The following FGF12 variants were observed in gnomAD, a reference collection of about 807,000 sequenced individuals.
The protein encoded by FGF12 is fibroblast growth factor 12B.
Under a neutral mutation model 23.6 loss-of-function variants are expected in FGF12, and 14 were observed. The observed-to-expected ratio is 0.59, with a 90% CI of 0.39 to 0.93. The LOEUF is 0.93. Among genes scored for constraint, FGF12 ranks in the 40% least tolerant of loss-of-function variants. The pLI is 0.00. For missense variants in FGF12, 175 were observed against 217.8 expected, an observed-to-expected ratio of 0.80 and a Z score of 1.24; for synonymous variants, 62 against 77.3, an observed-to-expected ratio of 0.80 and a Z score of 1.04.
chr3:192,432,098 G>A (rs1013420654), intron 2 of FGF12, among the ~76,000 whole-genome samples: 1 of 152,104 alleles, frequency 6.6e-6, no homozygotes, highest in Non-Finnish European at 1.5e-5. Flanking sequence ...CATTCTTCAA[G>A]GGACTTATTT....
In FGF12 at chr3:192,435,995, GA is replaced by G; in HGVS notation, c.14-75458del. Among the ~76,000 whole-genome samples the G allele has an allele frequency of 1.3e-5, 2 of 152,166 alleles. 1 individual carries two copies. The highest frequency in any genetic ancestry group is 2.9e-5 in the Non-Finnish European group (2 of 68,022). ...TTTGAGGAAACCAACACACCACAGC[GA>G]ATACGTCTACTTCTCTCAGTTAGCC... On this transcript the variant is annotated intron_variant, in intron 2 of 5. Coordinates refer to ENST00000445105, the MANE Select transcript of FGF12 (RefSeq NM_004113.6).
chr3:192,559,059 C>T (rs150659801), intron 2 of FGF12, among the ~76,000 whole-genome samples: 15 of 151,910 alleles, frequency 9.9e-5, no homozygotes, highest in South Asian at 2.1e-4. Context: ...ATTAATTTGA[C>T]GCTGAAAATA....
rs532735916 is a variant in FGF12 at position 192,457,516 on chromosome 3, A to G, written c.14-96978T>C. Among the ~76,000 whole-genome samples the G allele has an allele frequency of 2.6e-5, 4 of 152,326 alleles. No homozygotes were observed. In the East Asian group the frequency reaches 5.8e-4, roughly 22 times the overall value. ...AGGTGACTCTTGCTACATTTTAGCA[A>G]AGAGACTGGTGGCATTTTGCCCCCA... On this transcript the variant is annotated intron_variant, in intron 2 of 5. Transcript: ENST00000445105.
intron 2 of FGF12, among the ~76,000 whole-genome samples, chr3:192,605,001 A>G (rs909755286): frequency 6.6e-6 from 1 of 152,176 alleles, no homozygotes; most frequent in African/African-American, 2.4e-5. Context: ...GGCTAGCCAC[A>G]GTAAAACTGG....
At chr3:192,485,761 T>C (rs765416095) in intron 2 of FGF12, among the ~76,000 whole-genome samples, 48 of 152,116 alleles carry the variant, frequency 3.2e-4, no homozygotes, top group Non-Finnish European at 6.2e-4. Context: ...TGTGAACAGA[T>C]TCTCTGTATA....
intron 2 of FGF12, among the ~76,000 whole-genome samples, chr3:192,465,386 A>T (rs1218812252): frequency 6.6e-6 from 1 of 152,204 alleles, no homozygotes; most frequent in African/African-American, 2.4e-5. Context: ...GAATACATGA[A>T]TTTTTAAAAC....
At chr3:192,277,131 A>G (rs1713841005) in intron 4 of FGF12, among the ~76,000 whole-genome samples, 1 of 152,222 alleles carries the variant, frequency 6.6e-6, no homozygotes, top group Non-Finnish European at 1.5e-5. Flanking sequence ...AATAATTTTC[A>G]GTGAACCTTA....
chr3:192,711,541 T>C (rs1299598966), intron 2 of FGF12, among the ~76,000 whole-genome samples: 1 of 152,100 alleles, frequency 6.6e-6, no homozygotes, highest in Non-Finnish European at 1.5e-5. Context: ...AGAAATCAGA[T>C]TGTTGCTGTG....
chr3:192,172,434 T>C (rs1241187176), intron 4 of FGF12, among the ~76,000 whole-genome samples: 6 of 148,914 alleles, frequency 4.0e-5, no homozygotes, highest in African/African-American at 9.9e-5. Context: ...CCAAAGAAAA[T>C]TGGAGTAGAA....
intron 2 of FGF12, among the ~76,000 whole-genome samples, chr3:192,678,266 G>A (rs1717397850): frequency 6.6e-6 from 1 of 152,184 alleles, no homozygotes; most frequent in South Asian, 2.1e-4. Flanking sequence ...ACATGGTTGA[G>A]TAAATTACTC....
At chr3:192,361,830 G>A (rs1020732784) in intron 2 of FGF12, among the ~76,000 whole-genome samples, 5 of 152,136 alleles carry the variant, frequency 3.3e-5, no homozygotes, top group African/African-American at 1.2e-4. Context: ...ATGGGGCAAT[G>A]CCTCTATCAA....
chr3:192,543,193 T>C (rs76167242), intron 2 of FGF12, among the ~76,000 whole-genome samples: 3 of 152,208 alleles, frequency 2.0e-5, no homozygotes, highest in Non-Finnish European at 2.9e-5. Flanking sequence ...TCTATTCTAC[T>C]GTGGCTGAGC....
At chr3:192,311,780 C>T (rs553530567) in intron 4 of FGF12, among the ~76,000 whole-genome samples, 2 of 152,268 alleles carry the variant, frequency 1.3e-5, no homozygotes, top group Admixed American at 6.5e-5. Flanking sequence ...TATAAGAGTT[C>T]CCATTTCTCA....
chr3:192,677,415 T>C (rs1226876894), intron 2 of FGF12, among the ~76,000 whole-genome samples: 5 of 152,232 alleles, frequency 3.3e-5, no homozygotes, highest in Non-Finnish European at 7.3e-5. Flanking sequence ...CATACCGTGA[T>C]GCTGTCAGAG....
intron 4 of FGF12, among the ~76,000 whole-genome samples, chr3:192,323,748 T>C (rs1560069425): frequency 1.3e-5 from 2 of 152,206 alleles, no homozygotes. Context: ...AGGTAATGGA[T>C]ACTTCATTTA....
chr3:192,288,057 G>A lies in FGF12; in HGVS notation c.228+47304C>T, dbSNP rs115725680. 8.8e-3 allele frequency among the ~76,000 whole-genome samples: 1,116 copies of A among 127,012 alleles called. 15 individuals carry two copies. Among genetic ancestry groups the A allele is most frequent in the African/African-American group, 0.03 (1,047 of 34,432 alleles). 83.3% of individuals were successfully genotyped at this position (127,012 alleles called of 152,430 possible). On this transcript the variant is annotated intron_variant, in intron 4 of 5. Coordinates refer to ENST00000445105, the MANE Select transcript of FGF12 (RefSeq NM_004113.6). ...CTCCTAGAAATAAGTTGAAGGAAAGGCTTTAGAATAAAAAAAATCTTCCAA... is the reference window on the plus strand; with the variant it reads ...CTCCTAGAAATAAGTTGAAGGAAAGACTTTAGAATAAAAAAAATCTTCCAA...
rs1236309177 is a variant in FGF12 at position 192,514,543 on chromosome 3, A to C, written c.14-154005T>G. The stretch of plus-strand genomic sequence containing the variant: ...GGGCCCTGACCTCGCCCCAGTCGGG[A>C]AACGCCTTCCCTCCGCCACAGGCAG... On this transcript the variant is annotated intron_variant, in intron 2 of 5. Coordinates refer to ENST00000445105, the MANE Select transcript of FGF12 (RefSeq NM_004113.6). The surrounding 1 kb of genome is among the most constrained non-coding windows in gnomAD (Gnocchi z 4.9). 3.3e-6 allele frequency: 1 copy of C among 302,902 alleles called. No individual in the cohort carries two copies. Among genetic ancestry groups the C allele is most frequent in the Non-Finnish European group, 4.9e-6 (1 of 205,828 alleles). The allele number at this position is 302,902 out of a possible 1,614,324, so 18.8% of individuals were successfully genotyped here.
At chr3:192,161,206 G>A (rs562343069) in intron 5 of FGF12, among the ~76,000 whole-genome samples, 2 of 152,116 alleles carry the variant, frequency 1.3e-5, no homozygotes, top group East Asian at 1.9e-4. Context: ...CAGCAGGAAC[G>A]TTAAGAAATG....
chr3:192,267,280 C>T (rs1177574515), intron 4 of FGF12: 1 of 152,120 alleles, frequency 6.6e-6, no homozygotes, highest in Non-Finnish European at 1.5e-5. Flanking sequence ...CCAGGAAGAA[C>T]CCCAGTCTAT....
Sources: allele counts gnomAD v4.1 joint callset (sites outside exome capture counted in the v4.1 genomes callset), GRCh38; gene constraint gnomAD v4.1.1; non-coding constraint Gnocchi (gnomAD v3.1); transcripts MANE v1.5; gene names NCBI Gene and HGNC (gene_info 2026-07-23, HGNC 2026-07-21).